Variants in FAM227B observed in about 807,000 individuals in gnomAD.
FAM227B encodes the protein protein FAM227B.
In FAM227B, 88 loss-of-function variants were observed where a neutral mutation model predicts 73.8. The ratio of observed to expected loss-of-function variants is 1.19; its 90% CI spans 1.00 to 1.42. The LOEUF (loss-of-function observed/expected upper bound fraction) is 1.42. Ranked by LOEUF, FAM227B falls within the 40% of genes most tolerant of loss-of-function variation. FAM227B has a pLI of 0.00. For missense variants in FAM227B, 632 were observed against 590.9 expected, an observed-to-expected ratio of 1.07 and a Z score of -0.72; for synonymous variants, 210 against 190.5, an observed-to-expected ratio of 1.10 and a Z score of -0.84.
intron 10 of FAM227B, among the ~76,000 whole-genome samples, chr15:49,510,957 G>T (rs546491745): frequency 1.3e-5 from 2 of 151,156 alleles, no homozygotes; most frequent in African/African-American, 4.8e-5. Flanking sequence ...CTGTTCTCTG[G>T]AAGTTTTTTT....
chr15:49,590,734 T>G (rs977214930), intron 3 of FAM227B, among the ~76,000 whole-genome samples: 13 of 152,176 alleles, frequency 8.5e-5, no homozygotes, highest in African/African-American at 3.1e-4. Flanking sequence ...CATACATTAT[T>G]ATTAACTGTA....
chr15:49,367,498 G>A lies in FAM227B; in HGVS notation c.1221C>T (p.Ser407=). ...YLKMHELAGI[S]KAPKKTKIKL... ...TAATCTTGGTTTTCTTAGGTGCTTT[G>A]GAAATACCAGCCAGCTCATGCATCT... Residue 407 remains serine (S), a synonymous_variant, in exon 13 of 16, where the codon TCC becomes TCT. Transcript: ENST00000299338. The A allele has an allele frequency of 6.2e-7, 1 of 1,604,144 alleles. No individual in the cohort carries two copies. Among genetic ancestry groups the A allele is most frequent in the South Asian group, 1.1e-5 (1 of 88,374 alleles).
intron 9 of FAM227B, among the ~76,000 whole-genome samples, chr15:49,551,750 G>T (rs954394008): frequency 2.0e-5 from 3 of 151,978 alleles, no homozygotes; most frequent in Non-Finnish European, 2.9e-5. Flanking sequence ...TATTTTTTGT[G>T]TATCTACTGT....
At chr15:49,484,313 G>C (rs148602079) in intron 11 of FAM227B, 11 of 1,585,126 alleles carry the variant, frequency 6.9e-6, no homozygotes, top group African/African-American at 1.4e-5. Flanking sequence ...TTAACAGAAA[G>C]AATGCAATGA....
At chr15:49,402,379 A>G (rs934472083) in intron 11 of FAM227B, among the ~76,000 whole-genome samples, 26 of 152,166 alleles carry the variant, frequency 1.7e-4, no homozygotes, top group Admixed American at 1.4e-3. Context: ...CCACATGGCC[A>G]TTTTCACAAT....
intron 10 of FAM227B, among the ~76,000 whole-genome samples, chr15:49,508,570 T>G (rs1287978636): frequency 2.0e-5 from 3 of 152,062 alleles, no homozygotes; most frequent in Non-Finnish European, 4.4e-5. Context: ...TATTTTGAAA[T>G]ATATGTTACA....
At chr15:49,481,298 G>A (rs1278377857) in intron 11 of FAM227B, among the ~76,000 whole-genome samples, 1 of 152,158 alleles carries the variant, frequency 6.6e-6, no homozygotes, top group Admixed American at 6.5e-5. Flanking sequence ...TTCCATTTTG[G>A]AGGTATTGCA....
chr15:49,328,743 T>G, intron 15 of FAM227B, 68 bp from the exon 16 acceptor site: 1 of 1,505,954 alleles, frequency 6.6e-7, no homozygotes, highest in South Asian at 1.3e-5. Flanking sequence ...AATTTGAATG[T>G]GAGATTTCTC....
chr15:49,489,860 T>TTATATATATATTTTA lies in FAM227B; in HGVS notation c.1012+18350_1012+18351insTAAAATATATATATA. Among the ~76,000 whole-genome samples the TTATATATATATTTTA allele has an allele frequency of 2.9e-4, 2 of 6,796 alleles. 1 individual carries two copies. The highest frequency in any genetic ancestry group is 8.6e-3 in the East Asian group (2 of 232). The allele number at this position is 6,796 out of a possible 152,430, so 4.5% of individuals were successfully genotyped here. A position where few individuals can be genotyped will look rare whatever the true frequency, so the allele number is the denominator to read the frequency against. ...TATATTTTATATATATATATATATT[T>TTATATATATATTTTA]TATATATATATATATATATATATAG... On this transcript the variant is annotated intron_variant, in intron 11 of 15. Coordinates refer to ENST00000299338, the MANE Select transcript of FAM227B (RefSeq NM_152647.3).
At chr15:49,540,848 A>C (rs1483870353) in intron 10 of FAM227B, among the ~76,000 whole-genome samples, 1 of 152,130 alleles carries the variant, frequency 6.6e-6, no homozygotes, top group African/African-American at 2.4e-5. Context: ...GTTTGAATTA[A>C]TTTGATTTTT....
At chr15:49,340,692 AT>A (rs1451228360) in intron 13 of FAM227B, among the ~76,000 whole-genome samples, 1 of 151,890 alleles carries the variant, frequency 6.6e-6, no homozygotes, top group Non-Finnish European at 1.5e-5. Context: ...GTTTGTGAAT[AT>A]TTTCTCCCAT....
chr15:49,419,874 T>A (rs2049478623), intron 11 of FAM227B, among the ~76,000 whole-genome samples: 1 of 152,178 alleles, frequency 6.6e-6, no homozygotes, highest in Non-Finnish European at 1.5e-5. Flanking sequence ...CAGGGAAAGC[T>A]TACATATTGC....
intron 11 of FAM227B, among the ~76,000 whole-genome samples, chr15:49,401,217 A>T (rs1310691972): frequency 2.6e-5 from 4 of 152,282 alleles, no homozygotes; most frequent in Admixed American, 1.3e-4. Flanking sequence ...TCTCAAAAGA[A>T]GACATTTATG....
intron 5 of FAM227B, among the ~76,000 whole-genome samples, chr15:49,585,786 T>C (rs1209712383): frequency 6.6e-6 from 1 of 152,156 alleles, no homozygotes; most frequent in Non-Finnish European, 1.5e-5. Context: ...GGCACATGTA[T>C]ACATATGTAA....
chr15:49,523,356 A>G (rs964454019), intron 10 of FAM227B, among the ~76,000 whole-genome samples: 12 of 152,088 alleles, frequency 7.9e-5, no homozygotes, highest in Admixed American at 4.6e-4. Context: ...ACAAGATCTG[A>G]TAATTTAAAA....
chr15:49,477,554 G>A (rs1397133782), intron 11 of FAM227B, among the ~76,000 whole-genome samples: 1 of 152,136 alleles, frequency 6.6e-6, no homozygotes, highest in Admixed American at 6.6e-5. Flanking sequence ...GTGTATACGT[G>A]TACCATAGTT....
intron 15 of FAM227B, chr15:49,329,807 A>G (rs796648338): frequency 3.1e-4 from 33 of 107,696 alleles, no homozygotes; most frequent in African/African-American, 1.4e-3. Flanking sequence ...GGATCAGTGT[A>G]AAAAAAAAAA....
At chr15:49,502,956 C>T (rs937202265) in intron 11 of FAM227B, among the ~76,000 whole-genome samples, 6 of 152,090 alleles carry the variant, frequency 3.9e-5, no homozygotes, top group South Asian at 2.1e-4. Flanking sequence ...TGTGGCACCC[C>T]GCATTGCCAA....
intron 9 of FAM227B, among the ~76,000 whole-genome samples, chr15:49,550,365 C>A (rs1487286454): frequency 6.8e-6 from 1 of 147,524 alleles, no homozygotes; most frequent in African/African-American, 2.5e-5. Flanking sequence ...CCGGACGGGG[C>A]GGCTGGCCTG....
Sources: allele counts gnomAD v4.1 joint callset (sites outside exome capture counted in the v4.1 genomes callset), GRCh38; gene constraint gnomAD v4.1.1; transcripts MANE v1.5; gene names NCBI Gene and HGNC (gene_info 2026-07-23, HGNC 2026-07-21).